The following RAI14 variants were observed in gnomAD, a reference collection of about 807,000 sequenced individuals.
The protein encoded by RAI14 is ankycorbin.
Under a neutral mutation model 115.4 loss-of-function variants are expected in RAI14, and 45 were observed. The ratio of observed to expected loss-of-function variants is 0.39; its 90% CI spans 0.31 to 0.50. The LOEUF (loss-of-function observed/expected upper bound fraction) is 0.50, where lower values mean the gene tolerates loss of function less well. RAI14 is among the 20% of genes least tolerant of loss of function. The pLI, the probability that RAI14 is intolerant of heterozygous loss-of-function variation, is 0.85. For synonymous variants in RAI14, 371 were observed against 415.4 expected (o/e 0.89, Z 1.30); for missense variants, 939 against 1,131.2 (o/e 0.83, Z 2.44).
chr5:34,779,462 A>G (rs1356475696), intron 3 of RAI14, among the ~76,000 whole-genome samples: 1 of 152,238 alleles, frequency 6.6e-6, no homozygotes, highest in Non-Finnish European at 1.5e-5. Flanking sequence ...ATGATTGTAT[A>G]TCTAGAAAAC....
intron 2 of RAI14, among the ~76,000 whole-genome samples, chr5:34,713,175 T>A (rs1741601983): frequency 6.6e-6 from 1 of 152,136 alleles, no homozygotes; most frequent in Non-Finnish European, 1.5e-5. Flanking sequence ...TCAGTCCCTG[T>A]CTTCTGAGAG....
chr5:34,808,250 G>T (rs1755155890), intron 6 of RAI14, among the ~76,000 whole-genome samples: 1 of 152,200 alleles, frequency 6.6e-6, no homozygotes, highest in African/African-American at 2.4e-5. Context: ...ACAACTTGAA[G>T]TGACAAACGT....
chr5:34,810,439 C>CA (rs1347724254), intron 7 of RAI14, among the ~76,000 whole-genome samples: 1 of 152,122 alleles, frequency 6.6e-6, no homozygotes, highest in Non-Finnish European at 1.5e-5. Context: ...TTGCAATTGT[C>CA]ATGACATAAT....
At chr5:34,808,220 A>G (rs140275492) in intron 6 of RAI14, among the ~76,000 whole-genome samples, 200 of 152,346 alleles carry the variant, frequency 1.3e-3, no homozygotes, top group African/African-American at 4.6e-3. Context: ...ATTTACTAAT[A>G]TTTTGTTTAG....
intron 3 of RAI14, among the ~76,000 whole-genome samples, chr5:34,795,216 C>G (rs776231421): frequency 6.6e-6 from 1 of 152,208 alleles, no homozygotes; most frequent in Non-Finnish European, 1.5e-5. Flanking sequence ...ACATGCTGAT[C>G]ATGGTTTGTG....
intron 2 of RAI14, among the ~76,000 whole-genome samples, chr5:34,745,206 A>G (rs1746009235): frequency 6.6e-6 from 1 of 152,176 alleles, no homozygotes; most frequent in Admixed American, 6.5e-5. Flanking sequence ...AAATGAAATA[A>G]ATTATTTATG....
At chr5:34,657,442 G>C (rs1359096757) in intron 1 of RAI14, among the ~76,000 whole-genome samples, 1 of 152,192 alleles carries the variant, frequency 6.6e-6, no homozygotes, top group African/African-American at 2.4e-5. Flanking sequence ...GCGTGGAGGG[G>C]TCCGAAGTGG....
chr5:34,799,684 C>CTTTTTTTTTTTTTTTTTT (rs1754015236), intron 4 of RAI14, among the ~76,000 whole-genome samples: 1 of 97,858 alleles, frequency 1.0e-5, no homozygotes, highest in African/African-American at 3.6e-5. Context: ...AATCTGTTAG[C>CTTTTTTTTTTTTTTTTTT]ATTTTTTTTT....
chr5:34,809,402 A>T (rs1484993003), intron 7 of RAI14, among the ~76,000 whole-genome samples: 1 of 152,194 alleles, frequency 6.6e-6, no homozygotes, highest in Non-Finnish European at 1.5e-5. Flanking sequence ...TGTGATGTTA[A>T]TATCGTTCTC....
chr5:34,677,049 G>A (rs528253836), intron 1 of RAI14, among the ~76,000 whole-genome samples: 19 of 152,092 alleles, frequency 1.2e-4, no homozygotes, highest in South Asian at 6.2e-4. Flanking sequence ...GAATAAATAA[G>A]ATTTATAAGA....
chr5:34,706,445 T>G (rs979415083), intron 2 of RAI14, among the ~76,000 whole-genome samples: 1 of 152,180 alleles, frequency 6.6e-6, no homozygotes, highest in Non-Finnish European at 1.5e-5. Flanking sequence ...TTTTATATGG[T>G]TTTTCCCATA....
At position 34,811,869 on chromosome 5, in the gene RAI14, T is replaced by G. The variant is rs1193405426; in HGVS notation, c.660T>G (p.Asn220Lys). The G allele has an allele frequency of 6.2e-7, 1 of 1,612,672 alleles. No homozygotes were observed. The highest frequency in any genetic ancestry group is 2.2e-5 in the East Asian group (1 of 44,860). ...DLNLVDSLGY[N>K]ALHYSKLSEN... is the part of the protein sequence containing the mutation. ...ACCTTGTAGATTCTCTTGGATACAATGCCTTACATTATTCCAAACTCTCAG... is the reference window on the plus strand; with the variant it reads ...ACCTTGTAGATTCTCTTGGATACAAGGCCTTACATTATTCCAAACTCTCAG... Residue 220 changes from asparagine (N) to lysine (K), a missense_variant, in exon 9 of 18, where the codon AAT becomes AAG. Transcript: ENST00000265109.
chr5:34,811,689 T>C (rs114935797), intron 8 of RAI14, 78 bp from the exon 9 acceptor site: 205,796 of 1,326,620 alleles, frequency 0.16, 17,994 homozygotes, highest in South Asian at 0.18. Flanking sequence ...CTTTTCTCTT[T>C]TTTTAAGACA....
At position 34,830,801 on chromosome 5, in the gene RAI14, C is replaced by T; in HGVS notation, c.*36C>T. On this transcript the variant is annotated 3_prime_UTR_variant, in exon 18 of 18. Transcript: ENST00000265109. ...TTGGCAGGACACTGCCCCTTGTCAT[C>T]TGTCTTTGTGTTAGATCCAGAGTTG... 6.2e-7 allele frequency: 1 copy of T among 1,612,906 alleles called. No individual in the cohort carries two copies. Among genetic ancestry groups the T allele is most frequent in the Non-Finnish European group, 8.5e-7 (1 of 1,179,284 alleles).
At chr5:34,795,312 A>G (rs1753378060) in intron 3 of RAI14, among the ~76,000 whole-genome samples, 1 of 152,212 alleles carries the variant, frequency 6.6e-6, no homozygotes, top group Non-Finnish European at 1.5e-5. Flanking sequence ...TTGCCATCTA[A>G]TGGAGAAAGT....
intron 14 of RAI14, 69 bp from the exon 15 acceptor site, chr5:34,822,887 C>T (rs531553067): frequency 7.5e-7 from 1 of 1,326,928 alleles, no homozygotes; most frequent in East Asian, 2.3e-5. Context: ...CGGGGTTTCA[C>T]CGTGTTAGCC....
At chr5:34,800,281 G>A in intron 4 of RAI14, among the ~76,000 whole-genome samples, 1 of 152,162 alleles carries the variant, frequency 6.6e-6, no homozygotes, top group Admixed American at 6.5e-5. Flanking sequence ...TTAAGTAAAA[G>A]GGTTCTTAGA....
chr5:34,820,178 G>A (rs1756681440), intron 13 of RAI14, among the ~76,000 whole-genome samples: 1 of 152,166 alleles, frequency 6.6e-6, no homozygotes, highest in African/African-American at 2.4e-5. Flanking sequence ...TAAGATTAAA[G>A]TTTTCATCTT....
intron 15 of RAI14, among the ~76,000 whole-genome samples, chr5:34,825,690 G>A (rs1353877514): frequency 6.6e-6 from 1 of 151,890 alleles, no homozygotes; most frequent in Non-Finnish European, 1.5e-5. Flanking sequence ...GGAAGCAAAG[G>A]GGAAGTTCAG....
Sources: allele counts gnomAD v4.1 joint callset (sites outside exome capture counted in the v4.1 genomes callset), GRCh38; gene constraint gnomAD v4.1.1; transcripts MANE v1.5; gene names NCBI Gene and HGNC (gene_info 2026-07-23, HGNC 2026-07-21).